The following GRB14 variants were observed in gnomAD, a reference collection of about 807,000 sequenced individuals.
The protein encoded by GRB14 is growth factor receptor bound protein 14.
A neutral mutation model predicts 69.1 loss-of-function variants in GRB14; 38 were observed. The observed-to-expected ratio is 0.55, with a 90% CI of 0.42 to 0.72. The LOEUF is 0.72. Among genes scored for constraint, GRB14 ranks in the 30% least tolerant of loss-of-function variants. The probability of loss-of-function intolerance (pLI) is 0.00; values close to 1 mark genes in which losing one functional copy is unlikely to be tolerated. For missense variants in GRB14, 666 were observed against 666.1 expected (o/e 1.00, Z 0.00); for synonymous variants, 247 against 241.3 (o/e 1.02, Z -0.22).
intron 2 of GRB14, among the ~76,000 whole-genome samples, chr2:164,614,379 A>G (rs768832157): frequency 1.3e-5 from 2 of 152,232 alleles, no homozygotes; most frequent in Non-Finnish European, 2.9e-5. Context: ...TAAACTTCCA[A>G]AGAGCTAATT....
intron 3 of GRB14, among the ~76,000 whole-genome samples, chr2:164,529,406 A>G (rs1465788159): frequency 6.6e-6 from 1 of 152,204 alleles, no homozygotes; most frequent in Non-Finnish European, 1.5e-5. Context: ...CAAAATTTCA[A>G]ATGGTACCAA....
rs114966835 is a variant in GRB14, at chr2:164,562,385, T to A, written c.325-14569A>T. Among the ~76,000 whole-genome samples, 814 of 152,304 alleles carry A rather than the reference T, an allele frequency of 5.3e-3. 11 individuals are homozygous for A. Among genetic ancestry groups the A allele is most frequent in the African/African-American group, 0.019 (771 of 41,554 alleles). On this transcript the variant is annotated intron_variant, in intron 2 of 13. Transcript: ENST00000263915. ...GCGTATATAGTTGGATTCATTTTTT[T>A]TAATTCAAATTAGAGACCTTCTAAA...
At chr2:164,575,878 T>C (rs1404850707) in intron 2 of GRB14, among the ~76,000 whole-genome samples, 1 of 152,008 alleles carries the variant, frequency 6.6e-6, no homozygotes, top group Non-Finnish European at 1.5e-5. Flanking sequence ...TTGGAAAACA[T>C]AAAATAACAG....
intron 2 of GRB14, among the ~76,000 whole-genome samples, chr2:164,570,452 T>G (rs1255836055): frequency 7.2e-5 from 11 of 152,060 alleles, no homozygotes. Flanking sequence ...CACTGTCTCA[T>G]AGTGGAATAG....
chr2:164,588,392 C>A (rs567021763), intron 2 of GRB14, among the ~76,000 whole-genome samples: 1 of 152,254 alleles, frequency 6.6e-6, no homozygotes, highest in South Asian at 2.1e-4. Flanking sequence ...CAAAGAATTT[C>A]TCTACTTAAA....
At chr2:164,608,673 T>C (rs1690097963) in intron 2 of GRB14, among the ~76,000 whole-genome samples, 1 of 152,150 alleles carries the variant, frequency 6.6e-6, no homozygotes, top group Non-Finnish European at 1.5e-5. Flanking sequence ...ATAGAATTCC[T>C]TTGGCAATTG....
chr2:164,582,715 G>A (rs116360726), intron 2 of GRB14, among the ~76,000 whole-genome samples: 414 of 152,168 alleles, frequency 2.7e-3, no homozygotes, highest in Non-Finnish European at 4.1e-3. Flanking sequence ...CACCGCACCC[G>A]GCCTATTTTC....
At chr2:164,514,231 C>T (rs545571971) in intron 6 of GRB14, among the ~76,000 whole-genome samples, 66 of 152,272 alleles carry the variant, frequency 4.3e-4, no homozygotes, top group Non-Finnish European at 6.6e-4. Context: ...TCCCACTCTG[C>T]GGAACAGCAT....
chr2:164,583,190 T>C (rs1292240421), intron 2 of GRB14, among the ~76,000 whole-genome samples: 4 of 152,204 alleles, frequency 2.6e-5, no homozygotes, highest in Non-Finnish European at 5.9e-5. Flanking sequence ...CTGTTCTCCC[T>C]ATGGCCCTCT....
At chr2:164,614,209 C>T (rs1277830682) in intron 2 of GRB14, among the ~76,000 whole-genome samples, 1 of 152,136 alleles carries the variant, frequency 6.6e-6, no homozygotes, top group Admixed American at 6.5e-5. Context: ...AGCAAATTGC[C>T]GTTGGAAAGA....
intron 2 of GRB14, among the ~76,000 whole-genome samples, chr2:164,594,011 C>T (rs761494866): frequency 3.3e-5 from 5 of 152,102 alleles, no homozygotes; most frequent in Non-Finnish European, 7.4e-5. Flanking sequence ...TTTACATAGT[C>T]ATATTAACAG....
At chr2:164,601,195 C>A (rs1486259008) in intron 2 of GRB14, among the ~76,000 whole-genome samples, 1 of 152,060 alleles carries the variant, frequency 6.6e-6, no homozygotes, top group African/African-American at 2.4e-5. Flanking sequence ...ATTTCCCTAG[C>A]AGTTTCTGAA....
intron 3 of GRB14, chr2:164,539,721 A>G (rs1226366843): frequency 2.0e-5 from 3 of 152,196 alleles, no homozygotes; most frequent in Admixed American, 2.0e-4. Context: ...TAAAGTGCAG[A>G]AAACCCTCAA....
chr2:164,548,695 CT>C (rs1574296934), intron 2 of GRB14, among the ~76,000 whole-genome samples: 2 of 152,202 alleles, frequency 1.3e-5, no homozygotes, highest in East Asian at 3.9e-4. Context: ...CTAGCATTCC[CT>C]TTTTTCTACA....
chr2:164,590,952 C>A (rs1376130157), intron 2 of GRB14, among the ~76,000 whole-genome samples: 13 of 152,176 alleles, frequency 8.5e-5, no homozygotes, highest in African/African-American at 2.2e-4. Context: ...TACTTGGCTG[C>A]AATCCTAAAT....
In GRB14 at chr2:164,502,355, A is replaced by G; in HGVS notation, c.1024-20T>C. On this transcript the variant is annotated intron_variant, in intron 8 of 13. Coordinates refer to ENST00000263915, the MANE Select transcript of GRB14 (RefSeq NM_004490.3). Reference sequence around the variant, plus strand: ...GCCATACTGCAGAATAAATAAATAAAACACATTCCCACCACTTTTACTACT... The same window carrying G: ...GCCATACTGCAGAATAAATAAATAAGACACATTCCCACCACTTTTACTACT... 1.5e-6 allele frequency: 2 copies of G among 1,307,160 alleles called. No homozygotes were observed. Among genetic ancestry groups the G allele is most frequent in the Non-Finnish European group, 2.2e-6 (2 of 903,116 alleles). 81.0% of individuals were successfully genotyped at this position (1,307,160 alleles called of 1,614,324 possible).
At chr2:164,580,673 C>T (rs1418791569) in intron 2 of GRB14, among the ~76,000 whole-genome samples, 1 of 150,656 alleles carries the variant, frequency 6.6e-6, no homozygotes, top group Non-Finnish European at 1.5e-5. Context: ...CACTGCACTC[C>T]AGCTTGGGCA....
intron 2 of GRB14, among the ~76,000 whole-genome samples, chr2:164,615,719 C>A (rs1690274021): frequency 6.6e-6 from 1 of 152,144 alleles, no homozygotes; most frequent in African/African-American, 2.4e-5. Context: ...TTTTAAATCT[C>A]TAAAGCCTTC....
intron 2 of GRB14, among the ~76,000 whole-genome samples, chr2:164,604,906 TG>T (rs1690008556): frequency 1.3e-5 from 2 of 152,144 alleles, no homozygotes; most frequent in South Asian, 4.2e-4. Flanking sequence ...GAATTTTCTT[TG>T]GGGGCAATGA....
Sources: allele counts gnomAD v4.1 joint callset (sites outside exome capture counted in the v4.1 genomes callset), GRCh38; gene constraint gnomAD v4.1.1; transcripts MANE v1.5; gene names NCBI Gene and HGNC (gene_info 2026-07-23, HGNC 2026-07-21).